STARD6: variants seen among roughly 807,000 people sequenced by gnomAD.
The protein encoded by STARD6 is stAR-related lipid transfer protein 6.
In STARD6, 21 loss-of-function variants were observed where a neutral mutation model predicts 22.3. The observed-to-expected ratio is 0.94, with a 90% CI of 0.67 to 1.35. The LOEUF is 1.35. Ranked by LOEUF, STARD6 falls within the 40% of genes most tolerant of loss-of-function variation. STARD6 has a pLI of 0.00. For synonymous variants in STARD6, 80 were observed against 88.1 expected, an observed-to-expected ratio of 0.91 and a Z score of 0.52; for missense variants, 269 against 266.9, an observed-to-expected ratio of 1.01 and a Z score of -0.05.
At chr18:54,341,650 T>C (rs1331419061) in intron 4 of STARD6, among the ~76,000 whole-genome samples, 1 of 152,216 alleles carries the variant, frequency 6.6e-6, no homozygotes, top group Non-Finnish European at 1.5e-5. Flanking sequence ...AATTAAAACA[T>C]TCTTAAATAA....
chr18:54,328,439 A>G (rs2088841415), intron 7 of STARD6, among the ~76,000 whole-genome samples: 1 of 152,198 alleles, frequency 6.6e-6, no homozygotes, highest in Non-Finnish European at 1.5e-5. Context: ...TTCTCCTGCT[A>G]TGGAGAATAA....
chr18:54,336,129 A>G (rs1568168537), intron 5 of STARD6, among the ~76,000 whole-genome samples: 1 of 151,396 alleles, frequency 6.6e-6, no homozygotes, highest in Non-Finnish European at 1.5e-5. Context: ...CCTTCTCTCA[A>G]CTTTCTACTC....
At position 54,354,047 on chromosome 18, in the gene STARD6, T is replaced by C. The variant is rs746276025; in HGVS notation, c.140+7A>G. On this transcript the variant is annotated splice_region_variant and intron_variant, in intron 4 of 7. Coordinates refer to ENST00000307844, the MANE Select transcript of STARD6 (RefSeq NM_139171.2). ...AACAGTAATTGTAAATAGAAGATTGTACTCACAGATTTCCATGGAATTTTC... is the reference window on the plus strand; with the variant it reads ...AACAGTAATTGTAAATAGAAGATTGCACTCACAGATTTCCATGGAATTTTC... 1.3e-6 allele frequency: 2 copies of C among 1,544,700 alleles called. No individual in the cohort carries two copies. The highest frequency in any genetic ancestry group is 1.8e-5 in the Admixed American group (1 of 54,942).
intron 4 of STARD6, among the ~76,000 whole-genome samples, chr18:54,340,378 T>C (rs769012315): frequency 6.6e-6 from 1 of 152,108 alleles, no homozygotes; most frequent in Non-Finnish European, 1.5e-5. Context: ...GTAGCCCCTA[T>C]AGTTATCACT....
intron 4 of STARD6, among the ~76,000 whole-genome samples, chr18:54,350,432 T>C (rs1163633229): frequency 6.6e-6 from 1 of 152,222 alleles, no homozygotes; most frequent in African/African-American, 2.4e-5. Context: ...TTCTGTGGGT[T>C]ACCTGTTTCC....
rs879424821 is a variant in STARD6, at chr18:54,341,179, CCT to C, written c.141-3930_141-3929del. ...GGTTCACGCCATTCTCCTGCCTCAG[CCT>C]GCCAAGTAGCTGGGACTAGAGGCGC... is the stretch of plus-strand genomic sequence containing the variant. On this transcript the variant is annotated intron_variant, in intron 4 of 7. Transcript: ENST00000307844. 2.0e-3 allele frequency among the ~76,000 whole-genome samples: 298 copies of C among 152,278 alleles called. 1 individual carries two copies. Among genetic ancestry groups the C allele is most frequent in the Admixed American group, 3.9e-3 (59 of 15,306 alleles).
intron 4 of STARD6, among the ~76,000 whole-genome samples, chr18:54,353,490 C>G (rs911290300): frequency 3.3e-5 from 5 of 152,106 alleles, no homozygotes; most frequent in African/African-American, 4.8e-5. Context: ...GCAACCCCAT[C>G]TCTACAAAAA....
chr18:54,341,341 G>A (rs2088967909), intron 4 of STARD6, among the ~76,000 whole-genome samples: 1 of 152,194 alleles, frequency 6.6e-6, no homozygotes, highest in Admixed American at 6.5e-5. Context: ...TTACAGGCGT[G>A]AGCCACCGTG....
Position 54,342,439 on chromosome 18 carries a change from C to G in STARD6, c.141-5188G>C, listed in dbSNP as rs992917207. Among the ~76,000 whole-genome samples the G allele has an allele frequency of 2.4e-3, 305 of 129,368 alleles. 14 individuals carry two copies. The highest frequency in any genetic ancestry group is 8.9e-3 in the African/African-American group (288 of 32,320). The allele number at this position is 129,368 out of a possible 152,430, so 84.9% of individuals were successfully genotyped here. A position where few individuals can be genotyped will look rare whatever the true frequency, so the allele number is the denominator to read the frequency against. On this transcript the variant is annotated intron_variant, in intron 4 of 7. Coordinates refer to ENST00000307844, the MANE Select transcript of STARD6 (RefSeq NM_139171.2). ...ATGCTCTCCGTCTCCCTCTCCCTCT[C>G]CCTCTCCCTCTCCCTCTCCCTCTCC...
At chr18:54,325,750 A>G (rs1379701540) in intron 7 of STARD6, among the ~76,000 whole-genome samples, 1 of 152,014 alleles carries the variant, frequency 6.6e-6, no homozygotes, top group Admixed American at 6.6e-5. Context: ...GGGTCTCATT[A>G]TGTTGCCAAG....
At chr18:54,345,430 C>G (rs1185934786) in intron 4 of STARD6, among the ~76,000 whole-genome samples, 1 of 152,062 alleles carries the variant, frequency 6.6e-6, no homozygotes, top group African/African-American at 2.4e-5. Context: ...TCAAAATAAA[C>G]AGAGAGACAT....
At chr18:54,348,959 A>G (rs1356595078) in intron 4 of STARD6, among the ~76,000 whole-genome samples, 1 of 152,114 alleles carries the variant, frequency 6.6e-6, no homozygotes. Flanking sequence ...ATATAATATA[A>G]CTGAAGTCCA....
At chr18:54,327,824 T>C (rs777182436) in intron 7 of STARD6, among the ~76,000 whole-genome samples, 1 of 151,958 alleles carries the variant, frequency 6.6e-6, no homozygotes, top group African/African-American at 2.4e-5. Context: ...ATTTTTACAG[T>C]GCCTCAAATG....
intron 5 of STARD6, among the ~76,000 whole-genome samples, chr18:54,335,452 C>T (rs1458480737): frequency 6.6e-6 from 1 of 152,044 alleles, no homozygotes; most frequent in Non-Finnish European, 1.5e-5. Context: ...CCTCTGCCTC[C>T]CAAAGTTCTG....
At chr18:54,343,550 G>A (rs2089002768) in intron 4 of STARD6, among the ~76,000 whole-genome samples, 1 of 63,472 alleles carries the variant, frequency 1.6e-5, no homozygotes, top group Non-Finnish European at 3.1e-5. Context: ...GAGGTGGGGG[G>A]GTCAGCCCTC....
chr18:54,330,260 T>A (rs1236556710), intron 6 of STARD6, among the ~76,000 whole-genome samples: 1 of 152,074 alleles, frequency 6.6e-6, no homozygotes, highest in Non-Finnish European at 1.5e-5. Flanking sequence ...TTTCCATTTT[T>A]ATGACTTATA....
chr18:54,350,898 T>G (rs907583962), intron 4 of STARD6, among the ~76,000 whole-genome samples: 3 of 152,174 alleles, frequency 2.0e-5, no homozygotes, highest in African/African-American at 7.2e-5. Flanking sequence ...TGTAGAATAG[T>G]TTGAAGTTGG....
intron 4 of STARD6, among the ~76,000 whole-genome samples, chr18:54,343,417 TG>T (rs1385734054): frequency 1.8e-5 from 2 of 111,832 alleles, no homozygotes; most frequent in South Asian, 3.1e-4. Context: ...GGGAGGGAGG[TG>T]GGGGGGTCAG....
intron 4 of STARD6, among the ~76,000 whole-genome samples, chr18:54,348,854 A>T (rs898536363): frequency 6.6e-6 from 1 of 152,140 alleles, no homozygotes; most frequent in Non-Finnish European, 1.5e-5. Flanking sequence ...TTGAGTAGCA[A>T]ATTATTAAGA....
Sources: allele counts gnomAD v4.1 joint callset (sites outside exome capture counted in the v4.1 genomes callset), GRCh38; gene constraint gnomAD v4.1.1; transcripts MANE v1.5; gene names NCBI Gene and HGNC (gene_info 2026-07-23, HGNC 2026-07-21).